SPATA9: variants seen among roughly 807,000 people sequenced by gnomAD.
SPATA9 encodes spermatogenesis associated 9.
A neutral mutation model predicts 25.5 loss-of-function variants in SPATA9; 27 were observed. The ratio of observed to expected loss-of-function variants is 1.06; its 90% CI spans 0.78 to 1.46. The LOEUF (loss-of-function observed/expected upper bound fraction) is 1.46. Among genes scored for constraint, SPATA9 ranks in the 40% most tolerant of loss-of-function variants. The probability of loss-of-function intolerance (pLI) is 0.00; values close to 1 mark genes in which losing one functional copy is unlikely to be tolerated. For missense variants in SPATA9, 282 were observed against 297.5 expected, an observed-to-expected ratio of 0.95 and a Z score of 0.38; for synonymous variants, 102 against 105.7, an observed-to-expected ratio of 0.97 and a Z score of 0.21.
At chr5:95,665,252 A>G (rs1751668781) in intron 3 of SPATA9, among the ~76,000 whole-genome samples, 1 of 152,226 alleles carries the variant, frequency 6.6e-6, no homozygotes, top group Admixed American at 6.5e-5. Flanking sequence ...GTAATACATA[A>G]TATTTTACTG....
At chr5:95,685,164 C>T (rs994293155), upstream of SPATA9, among the ~76,000 whole-genome samples, 3 of 152,176 alleles carry the variant, frequency 2.0e-5, no homozygotes, top group Non-Finnish European at 2.9e-5. Context: ...ACTTGATGAA[C>T]ATTAAATACC....
At chr5:95,682,753 T>C in intron 1 of SPATA9, 41 bp downstream of exon 1, 1 of 1,532,314 alleles carries the variant, frequency 6.5e-7, no homozygotes, top group Non-Finnish European at 8.8e-7. Flanking sequence ...TTCCCAATTG[T>C]TCCCACACCC....
chr5:95,685,535 G>A (rs1289159914), upstream of SPATA9, among the ~76,000 whole-genome samples: 1 of 152,168 alleles, frequency 6.6e-6, no homozygotes. Context: ...GTTGGTCCCA[G>A]TACTATGTCC....
the SPATA9 span, among the ~76,000 whole-genome samples, chr5:95,722,511 G>C: frequency 6.6e-6 from 1 of 151,272 alleles, no homozygotes; most frequent in African/African-American, 2.4e-5. Context: ...TTTTTTTTGA[G>C]ATGGAGTCTC....
chr5:95,724,847 A>G, the SPATA9 span, among the ~76,000 whole-genome samples: 4 of 152,174 alleles, frequency 2.6e-5, no homozygotes, highest in Admixed American at 2.6e-4. Context: ...AAATTTGCAA[A>G]GCACTTAATG....
chr5:95,666,769 A>T (rs1022939301), intron 3 of SPATA9, among the ~76,000 whole-genome samples: 2 of 152,156 alleles, frequency 1.3e-5, no homozygotes, highest in African/African-American at 2.4e-5. Flanking sequence ...GCTTACCAAG[A>T]TGTGTTCAAT....
At chr5:95,663,917 A>T in intron 4 of SPATA9, 36 bp downstream of exon 4, 1 of 1,215,066 alleles carries the variant, frequency 8.2e-7, no homozygotes, top group South Asian at 1.5e-5. Flanking sequence ...AAATAAGTAG[A>T]TTTATTTCTA....
intron 2 of SPATA9, among the ~76,000 whole-genome samples, chr5:95,679,356 C>G (rs1453098735): frequency 6.6e-6 from 1 of 152,162 alleles, no homozygotes; most frequent in Non-Finnish European, 1.5e-5. Context: ...TACTCCAGAG[C>G]ATAGCCAAAA....
chr5:95,731,109 G>C, the SPATA9 span: 2 of 1,107,238 alleles, frequency 1.8e-6, no homozygotes, highest in South Asian at 4.0e-5. Context: ...TCTCGGGCTG[G>C]GGCGTTGTAT....
At chr5:95,711,275 G>A in the SPATA9 span, among the ~76,000 whole-genome samples, 2 of 152,168 alleles carry the variant, frequency 1.3e-5, no homozygotes, top group Non-Finnish European at 2.9e-5. Flanking sequence ...ATGCAAGGAA[G>A]TGCTTTCTGG....
At chr5:95,697,893 A>G (rs1754076433) in intron 1 of SPATA9, among the ~76,000 whole-genome samples, 2 of 151,736 alleles carry the variant, frequency 1.3e-5, no homozygotes, top group South Asian at 4.2e-4. Context: ...TTCCATGAAA[A>G]TGACATTCCA....
At chr5:95,696,524 G>T (rs1199129029) in intron 1 of SPATA9, among the ~76,000 whole-genome samples, 2 of 152,174 alleles carry the variant, frequency 1.3e-5, no homozygotes, top group Non-Finnish European at 2.9e-5. Context: ...AAAGAAAGGA[G>T]TATTGTAATA....
At chr5:95,712,900 C>CTT in the SPATA9 span, among the ~76,000 whole-genome samples, 15 of 151,996 alleles carry the variant, frequency 9.9e-5, no homozygotes, top group East Asian at 1.6e-3. Flanking sequence ...TTTTTAATTG[C>CTT]TTTTTTTATC....
At chr5:95,701,698 T>C (rs905840965), upstream of SPATA9, among the ~76,000 whole-genome samples, 2 of 151,972 alleles carry the variant, frequency 1.3e-5, no homozygotes, top group African/African-American at 4.8e-5. Context: ...AAAGCTTTTG[T>C]GCTTAGACAA....
the SPATA9 span, among the ~76,000 whole-genome samples, chr5:95,713,085 A>C: frequency 1.3e-5 from 2 of 152,186 alleles, no homozygotes; most frequent in Non-Finnish European, 2.9e-5. Flanking sequence ...CAGACAATTT[A>C]CTTAATTTTT....
intron 4 of SPATA9, among the ~76,000 whole-genome samples, chr5:95,662,176 A>C (rs559109132): frequency 2.0e-4 from 31 of 152,292 alleles, no homozygotes; most frequent in Non-Finnish European, 2.9e-5. Flanking sequence ...ACAATAGAAA[A>C]AGGGCTTTTT....
Position 95,675,406 on chromosome 5 carries a change from C to G in SPATA9, c.378+6G>C, listed in dbSNP as rs780475452. On this transcript the variant is annotated splice_donor_region_variant and intron_variant, in intron 3 of 4. Transcript: ENST00000274432. ...GGGGAATTGTGCATATGCAGTATTC[C>G]CTTACCTGAATGTTATATAGGGGTT... 3 of 1,609,462 alleles carry G rather than the reference C, an allele frequency of 1.9e-6. No homozygotes were observed. Among genetic ancestry groups the G allele is most frequent in the South Asian group, 2.2e-5 (2 of 90,128 alleles).
the SPATA9 span, among the ~76,000 whole-genome samples, chr5:95,714,581 C>T: frequency 6.6e-6 from 1 of 151,796 alleles, no homozygotes; most frequent in African/African-American, 2.4e-5. Context: ...GCAGTGTGAC[C>T]GGAGTGGTGG....
chr5:95,731,876 C>T, the SPATA9 span: 5 of 1,612,900 alleles, frequency 3.1e-6, no homozygotes, highest in South Asian at 2.2e-5. Flanking sequence ...CACATCGTGG[C>T]GCTGGGGAAC....
Sources: allele counts gnomAD v4.1 joint callset (sites outside exome capture counted in the v4.1 genomes callset), GRCh38; gene constraint gnomAD v4.1.1; transcripts MANE v1.5; gene names NCBI Gene and HGNC (gene_info 2026-07-23, HGNC 2026-07-21).